Variants in TOP6BL observed in about 807,000 individuals in gnomAD.
The protein encoded by TOP6BL is TOP6B like initiator of meiotic double strand breaks.
the TOP6BL span, among the ~76,000 whole-genome samples, chr11:66,754,951 C>G: frequency 6.6e-6 from 1 of 152,112 alleles, no homozygotes; most frequent in Non-Finnish European, 1.5e-5. Flanking sequence ...CTTAATTTAT[C>G]TTCTACCTCA....
At chr11:66,813,731 T>G in the TOP6BL span, 1 of 733,162 alleles carries the variant, frequency 1.4e-6, no homozygotes, top group Non-Finnish European at 2.1e-6. Context: ...AGACTCCATC[T>G]CAAAAAAAAA....
chr11:66,762,086 T>A, the TOP6BL span: 1 of 1,184,654 alleles, frequency 8.4e-7, no homozygotes, highest in Non-Finnish European at 1.3e-6. Context: ...CAGTTCCAGC[T>A]CCCAAACTCC....
chr11:66,825,009 G>A, the TOP6BL span, among the ~76,000 whole-genome samples: 2 of 151,854 alleles, frequency 1.3e-5, no homozygotes, highest in African/African-American at 4.8e-5. Flanking sequence ...CTAGATCCCT[G>A]AGGAATCGCC....
the TOP6BL span, among the ~76,000 whole-genome samples, chr11:66,762,691 G>A: frequency 6.6e-6 from 1 of 152,124 alleles, no homozygotes; most frequent in African/African-American, 2.4e-5. Context: ...GGCTGGCCTC[G>A]AACTCCTGAT....
At chr11:66,782,154 T>G in the TOP6BL span, among the ~76,000 whole-genome samples, 2 of 152,194 alleles carry the variant, frequency 1.3e-5, no homozygotes, top group African/African-American at 2.4e-5. Context: ...TAGACTTTTT[T>G]GGGGTGGGTC....
At chr11:66,838,219 G>A in the TOP6BL span, 1 of 638,066 alleles carries the variant, frequency 1.6e-6, no homozygotes, top group Non-Finnish European at 2.8e-6. Context: ...AGGGTGGGTA[G>A]GGGGATTCAT....
chr11:66,791,763 C>A, the TOP6BL span, among the ~76,000 whole-genome samples: 32 of 152,010 alleles, frequency 2.1e-4, no homozygotes, highest in South Asian at 6.4e-3. Flanking sequence ...GGGTCTCTAA[C>A]ACCCAACACC....
the TOP6BL span, among the ~76,000 whole-genome samples, chr11:66,810,677 G>A: frequency 5.9e-5 from 9 of 152,182 alleles, no homozygotes; most frequent in Non-Finnish European, 1.0e-4. Flanking sequence ...AATAGAAGGT[G>A]AACATTACAG....
chr11:66,750,272 G>A, the TOP6BL span, among the ~76,000 whole-genome samples: 1 of 152,128 alleles, frequency 6.6e-6, no homozygotes, highest in South Asian at 2.1e-4. Flanking sequence ...TTTTGGCTGG[G>A]TGTAGTGGCT....
At chr11:66,828,802 A>T in the TOP6BL span, 1 of 158,566 alleles carries the variant, frequency 6.3e-6, no homozygotes, top group Non-Finnish European at 1.4e-5. Context: ...CTACACCTGG[A>T]ATCTGGAGAA....
At chr11:66,756,386 G>T in the TOP6BL span, 2 of 1,173,856 alleles carry the variant, frequency 1.7e-6, no homozygotes, top group Non-Finnish European at 2.2e-6. Context: ...AGGCCGGAGT[G>T]CAGTGGCGCA....
the TOP6BL span, chr11:66,813,904 T>C: frequency 6.2e-7 from 1 of 1,613,978 alleles, no homozygotes. Flanking sequence ...TCTGATATTG[T>C]CAACTTGGGA....
At chr11:66,746,947 T>A in the TOP6BL span, among the ~76,000 whole-genome samples, 5 of 152,120 alleles carry the variant, frequency 3.3e-5, no homozygotes, top group Non-Finnish European at 7.4e-5. Context: ...GTGTTTTTTT[T>A]TTTCTTTTTG....
At chr11:66,807,127 G>A in the TOP6BL span, among the ~76,000 whole-genome samples, 3 of 152,060 alleles carry the variant, frequency 2.0e-5, no homozygotes, top group Non-Finnish European at 2.9e-5. Flanking sequence ...TTTAAATATG[G>A]GCAGTGAAGC....
the TOP6BL span, chr11:66,744,831 C>CGGCGGT: frequency 7.6e-7 from 1 of 1,322,472 alleles, no homozygotes; most frequent in Admixed American, 3.4e-5. Flanking sequence ...GCGGCGGCGG[C>CGGCGGT]GGCGGCGGCG....
chr11:66,843,182 T>C, the TOP6BL span: 1 of 1,611,158 alleles, frequency 6.2e-7, no homozygotes, highest in Non-Finnish European at 8.5e-7. Flanking sequence ...GTGCTGTGGC[T>C]GCAGGAGGTC....
chr11:66,747,287 G>A, the TOP6BL span, among the ~76,000 whole-genome samples: 3 of 151,772 alleles, frequency 2.0e-5, no homozygotes, highest in Non-Finnish European at 2.9e-5. Context: ...TTAAAATATT[G>A]TGTGTAGTCT....
the TOP6BL span, among the ~76,000 whole-genome samples, chr11:66,804,655 C>T: frequency 2.0e-5 from 3 of 152,200 alleles, no homozygotes; most frequent in South Asian, 4.1e-4. Flanking sequence ...GAGTGCTTGA[C>T]GGCTGGGTGC....
the TOP6BL span, among the ~76,000 whole-genome samples, chr11:66,748,218 T>G: frequency 6.6e-6 from 1 of 152,240 alleles, no homozygotes; most frequent in Admixed American, 6.5e-5. Context: ...TTATTTTGTT[T>G]AGACACAATA....
Sources: gnomAD v4.1 joint callset for allele counts (sites outside exome capture counted in the v4.1 genomes callset) on GRCh38, gnomAD v4.1.1 for gene constraint, MANE v1.5 for transcripts, NCBI Gene and HGNC (gene_info 2026-07-23, HGNC 2026-07-21) for gene names.